The following DPP6 variants were observed in gnomAD, a reference collection of about 807,000 sequenced individuals.
The protein encoded by DPP6 is A-type potassium channel modulatory protein DPP6.
DPP6 carries 69 observed loss-of-function variants against 122.6 expected under a neutral mutation model. The observed-to-expected ratio is 0.56, with a 90% confidence interval of 0.46 to 0.69. The LOEUF (loss-of-function observed/expected upper bound fraction) is 0.69. Among genes scored for constraint, DPP6 ranks in the 30% least tolerant of loss-of-function variants. The pLI, the probability that DPP6 is intolerant of heterozygous loss-of-function variation, is 0.00. For synonymous variants in DPP6, 418 were observed against 433.1 expected (o/e 0.97, Z 0.43); for missense variants, 928 against 1,116.9 (o/e 0.83, Z 2.41).
chr7:154,819,407 C>T (rs1385534580), intron 16 of DPP6, among the ~76,000 whole-genome samples: 1 of 152,140 alleles, frequency 6.6e-6, no homozygotes, highest in Non-Finnish European at 1.5e-5. Context: ...AAGAGTGAAA[C>T]TCTGTCTCAA....
intron 1 of DPP6, among the ~76,000 whole-genome samples, chr7:154,308,823 G>A (rs1806597566): frequency 1.3e-5 from 2 of 152,170 alleles, no homozygotes; most frequent in Admixed American, 6.5e-5. Context: ...GATCAGTAAA[G>A]CTATTAAGAG....
intron 1 of DPP6, among the ~76,000 whole-genome samples, chr7:154,277,284 A>G (rs1024531825): frequency 6.6e-6 from 1 of 152,152 alleles, no homozygotes; most frequent in Non-Finnish European, 1.5e-5. Context: ...AATAATAAGG[A>G]TCACCTCTGT....
chr7:153,812,632 C>T, the DPP6 span, among the ~76,000 whole-genome samples: 1 of 152,312 alleles, frequency 6.6e-6, no homozygotes, highest in Non-Finnish European at 1.5e-5. Context: ...TCTACGACTT[C>T]CTGTCTGCTG....
At chr7:154,304,146 G>A (rs78435428) in intron 1 of DPP6, among the ~76,000 whole-genome samples, 1 of 152,226 alleles carries the variant, frequency 6.6e-6, no homozygotes. Context: ...GTGAATGCCT[G>A]TGACCAAGTG....
chr7:154,699,623 C>A (rs73730240), intron 7 of DPP6, among the ~76,000 whole-genome samples: 13 of 152,312 alleles, frequency 8.5e-5, no homozygotes, highest in African/African-American at 3.1e-4. Flanking sequence ...CCCAGACAGC[C>A]GGGCCCCTGT....
chr7:154,648,353 T>G (rs1025255584), intron 6 of DPP6, among the ~76,000 whole-genome samples: 1 of 152,102 alleles, frequency 6.6e-6, no homozygotes, highest in African/African-American at 2.4e-5. Flanking sequence ...GCCCCACCTG[T>G]CCCTTGCTGT....
At chr7:153,889,540 C>T (rs760839106) in intron 1 of DPP6, among the ~76,000 whole-genome samples, 5 of 152,208 alleles carry the variant, frequency 3.3e-5, no homozygotes, top group Non-Finnish European at 2.9e-5. Flanking sequence ...ACTTGCATGG[C>T]ATGAAAGAGC....
At chr7:154,060,680 C>A (rs192463615) in intron 1 of DPP6, among the ~76,000 whole-genome samples, 9 of 136,542 alleles carry the variant, frequency 6.6e-5, no homozygotes, top group Non-Finnish European at 1.3e-4. Flanking sequence ...AGAGCTATCC[C>A]CTCTTCCGCC....
At chr7:154,763,247 A>G (rs1287762427) in intron 8 of DPP6, among the ~76,000 whole-genome samples, 3 of 151,996 alleles carry the variant, frequency 2.0e-5, no homozygotes, top group Non-Finnish European at 4.4e-5. Flanking sequence ...CAGGAGAATC[A>G]CTTGAACCTG....
chr7:154,540,667 CT>C, intron 4 of DPP6, 41 bp downstream of exon 4: 1 of 1,248,154 alleles, frequency 8.0e-7, no homozygotes, highest in South Asian at 1.4e-5. Flanking sequence ...TTCAGTTTTT[CT>C]TCCTGCAAGT....
At chr7:154,383,518 A>G (rs2151147529) in intron 1 of DPP6, among the ~76,000 whole-genome samples, 1 of 152,392 alleles carries the variant, frequency 6.6e-6, no homozygotes, top group Middle Eastern at 3.4e-3. Flanking sequence ...ATAAGAAAGT[A>G]ACATGCATTG....
At chr7:154,310,665 T>C (rs1806789615) in intron 1 of DPP6, among the ~76,000 whole-genome samples, 1 of 152,204 alleles carries the variant, frequency 6.6e-6, no homozygotes, top group South Asian at 2.1e-4. Flanking sequence ...AAATGCTCCA[T>C]GGAGAACACG....
In DPP6 at chr7:154,243,705, G is replaced by A. The variant is rs1023442040; in HGVS notation, c.243+190642G>A. On this transcript the variant is annotated intron_variant, in intron 1 of 25. Coordinates refer to ENST00000377770, the MANE Select transcript of DPP6 (RefSeq NM_130797.4). Reference sequence around the variant, plus strand: ...AGCTACTCAGGAGGCTGAGGCAGGAGAATGATGTGAACCCAGGAGGCCAGA... The same window carrying A: ...AGCTACTCAGGAGGCTGAGGCAGGAAAATGATGTGAACCCAGGAGGCCAGA... Among the ~76,000 whole-genome samples the A allele has an allele frequency of 7.2e-5, 11 of 152,060 alleles. No individual in the cohort carries two copies. The South Asian group carries it at 1.7e-3, about 23-fold the overall frequency.
At chr7:154,007,758 G>C (rs1797973948) in intron 1 of DPP6, among the ~76,000 whole-genome samples, 2 of 152,074 alleles carry the variant, frequency 1.3e-5, no homozygotes, top group Non-Finnish European at 2.9e-5. Flanking sequence ...CCTGCTGCAG[G>C]AATTGGTGTC....
chr7:154,245,201 C>T (rs913835135), intron 1 of DPP6, among the ~76,000 whole-genome samples: 22 of 151,870 alleles, frequency 1.4e-4, no homozygotes, highest in Non-Finnish European at 2.9e-4. Flanking sequence ...GATCCTCCCG[C>T]CTCGGCCTCC....
chr7:154,504,515 G>T (rs1447512521), intron 3 of DPP6, among the ~76,000 whole-genome samples: 2 of 152,100 alleles, frequency 1.3e-5, no homozygotes, highest in Admixed American at 6.6e-5. Flanking sequence ...ACTGTAGTTA[G>T]GTATGATTTA....
chr7:154,881,264 C>G (rs3817516), intron 21 of DPP6, among the ~76,000 whole-genome samples: 55,865 of 151,794 alleles, frequency 0.37, 10,841 homozygotes, highest in East Asian at 0.55. Context: ...AGGAAAGAAG[C>G]AAAGCAGGAA....
At chr7:154,171,279 A>G (rs1797522462) in intron 1 of DPP6, among the ~76,000 whole-genome samples, 2 of 152,126 alleles carry the variant, frequency 1.3e-5, no homozygotes, top group African/African-American at 2.4e-5. Context: ...CAACGCTAGG[A>G]GTGGTTTGCA....
intron 8 of DPP6, among the ~76,000 whole-genome samples, chr7:154,742,882 G>A (rs73498044): frequency 0.062 from 9,444 of 151,752 alleles, 429 homozygotes; most frequent in African/African-American, 0.11. Context: ...TACGGGCAAA[G>A]GGCAGACCTT....
Sources: gnomAD v4.1 joint callset for allele counts (sites outside exome capture counted in the v4.1 genomes callset) on GRCh38, gnomAD v4.1.1 for gene constraint, MANE v1.5 for transcripts, NCBI Gene and HGNC (gene_info 2026-07-23, HGNC 2026-07-21) for gene names.